LRRN1: variants seen among roughly 807,000 people sequenced by gnomAD.
LRRN1 encodes the protein leucine-rich repeat neuronal protein 1.
Under a neutral mutation model 45.8 loss-of-function variants are expected in LRRN1, and 14 were observed. That is an observed-to-expected ratio of 0.31 (90% confidence interval 0.20 to 0.48). The LOEUF is 0.48. Among genes scored for constraint, LRRN1 ranks in the 20% least tolerant of loss-of-function variants. The pLI is 0.99. For missense variants in LRRN1, 789 were observed against 874.2 expected, an observed-to-expected ratio of 0.90 and a Z score of 1.23; for synonymous variants, 359 against 330.1, an observed-to-expected ratio of 1.09 and a Z score of -0.95.
rs1053078528 is a variant in LRRN1 at position 3,845,091 on chromosome 3, C to T, written c.450C>T (p.Ile150=). The T allele has an allele frequency of 3.1e-6, 5 of 1,614,034 alleles. No homozygotes were observed. Among genetic ancestry groups the T allele is most frequent in the Non-Finnish European group, 4.2e-6 (5 of 1,180,028 alleles). The stretch of plus-strand genomic sequence containing the variant: ...TCAGCAACCTTCAAGAACTCTACAT[C>T]AACCACAACCAAATTAGCACTATTT... ...QDLSNLQELY[I]NHNQISTISA... The change falls in exon 2 of 2, where the codon ATC becomes ATT. Residue 150 remains isoleucine, a synonymous_variant. Coordinates refer to ENST00000319331, the MANE Select transcript of LRRN1 (RefSeq NM_020873.7). This position sits in a 1 kb window ranked among gnomAD's most constrained non-coding sequence, Gnocchi z 6.5.
At chr3:3,802,169 C>T (rs1036574512) in intron 1 of LRRN1, among the ~76,000 whole-genome samples, 2 of 152,196 alleles carry the variant, frequency 1.3e-5, no homozygotes, top group African/African-American at 4.8e-5. Context: ...GGGAGGTAGT[C>T]GTGCAGTAGA....
At chr3:3,828,972 G>A (rs1488329159) in intron 1 of LRRN1, among the ~76,000 whole-genome samples, 3 of 149,034 alleles carry the variant, frequency 2.0e-5, no homozygotes, top group Middle Eastern at 3.5e-3. Flanking sequence ...ACCTCAGCAG[G>A]TTGTGTTTTC....
At chr3:3,814,492 T>A (rs1184489587) in intron 1 of LRRN1, among the ~76,000 whole-genome samples, 1 of 152,048 alleles carries the variant, frequency 6.6e-6, no homozygotes, top group African/African-American at 2.4e-5. Flanking sequence ...GTGAGTTGAC[T>A]TTAACCTCGC....
intron 1 of LRRN1, among the ~76,000 whole-genome samples, chr3:3,819,071 T>C (rs1432047527): frequency 1.3e-5 from 2 of 152,092 alleles, no homozygotes; most frequent in Non-Finnish European, 2.9e-5. Flanking sequence ...ACAGCTCACT[T>C]GCAGCCTTGA....
intron 1 of LRRN1, among the ~76,000 whole-genome samples, chr3:3,837,182 G>A (rs1693538377): frequency 6.6e-6 from 1 of 152,226 alleles, no homozygotes; most frequent in Non-Finnish European, 1.5e-5. Context: ...GCCGGCCCAG[G>A]CAGGTGGCCC....
chr3:3,807,095 C>T (rs1326636244), intron 1 of LRRN1, among the ~76,000 whole-genome samples: 3 of 152,170 alleles, frequency 2.0e-5, no homozygotes, highest in Non-Finnish European at 4.4e-5. Context: ...CAAGGACCTA[C>T]GATGCATCGG....
At chr3:3,837,332 T>TCCCCC (rs35514612) in intron 1 of LRRN1, among the ~76,000 whole-genome samples, 1 of 151,382 alleles carries the variant, frequency 6.6e-6, no homozygotes. Context: ...TATTACTCCT[T>TCCCCC]CCCCCCCCCA....
intron 1 of LRRN1, among the ~76,000 whole-genome samples, chr3:3,811,382 GA>G (rs1217712261): frequency 6.6e-6 from 1 of 152,082 alleles, no homozygotes; most frequent in Non-Finnish European, 1.5e-5. Flanking sequence ...CTTCGTAAGG[GA>G]AAAGGCTATG....
At chr3:3,838,094 C>T (rs1451820700) in intron 1 of LRRN1, among the ~76,000 whole-genome samples, 2 of 152,038 alleles carry the variant, frequency 1.3e-5, no homozygotes, top group East Asian at 1.9e-4. Context: ...AGAAATAAGA[C>T]CACCCATCTA....
At position 3,844,868 on chromosome 3, in the gene LRRN1, T is replaced by G; in HGVS notation, c.227T>G (p.Val76Gly). The change falls in exon 2 of 2, where the codon GTG (valine) becomes GGG (glycine). Residue 76 changes from valine (V) to glycine (G), a missense_variant. Transcript: ENST00000319331. Reference sequence around the variant, plus strand: ...AGTAACCTCTCTAGTGACACACAAGTGCTTCTCTTACAGAGCAATAACATC... The same window carrying G: ...AGTAACCTCTCTAGTGACACACAAGGGCTTCTCTTACAGAGCAATAACATC... Reference protein sequence around the residue: ...IPSNLSSDTQVLLLQSNNIAK... With the variant: ...IPSNLSSDTQGLLLQSNNIAK... 6.2e-7 allele frequency: 1 copy of G among 1,614,162 alleles called. No individual in the cohort carries two copies. Among genetic ancestry groups the G allele is most frequent in the South Asian group, 1.1e-5 (1 of 91,078 alleles).
chr3:3,818,716 T>C (rs1170523051), intron 1 of LRRN1, among the ~76,000 whole-genome samples: 1 of 152,156 alleles, frequency 6.6e-6, no homozygotes, highest in African/African-American at 2.4e-5. Flanking sequence ...ATTTCTTGAA[T>C]AATTATAAGT....
intron 1 of LRRN1, chr3:3,827,652 T>C (rs947878409): frequency 1.0e-5 from 4 of 381,036 alleles, no homozygotes; most frequent in Non-Finnish European, 2.1e-5. Flanking sequence ...AAAAGAATGA[T>C]GTTTTTTGAA....
chr3:3,827,563 T>G (rs1212178002), intron 1 of LRRN1: 11 of 451,956 alleles, frequency 2.4e-5, no homozygotes, highest in Non-Finnish European at 4.9e-5. Flanking sequence ...TCCCCATTAT[T>G]CAAGCCATTC....
Position 3,846,903 on chromosome 3 carries a change from G to A in LRRN1, c.*111G>A. 1 of 926,258 alleles carries A rather than the reference G, an allele frequency of 1.1e-6. No individual in the cohort carries two copies. The highest frequency in any genetic ancestry group is 2.7e-5 in the East Asian group (1 of 37,702). The allele number at this position is 926,258 out of a possible 1,614,324, so 57.4% of individuals were successfully genotyped here. A position where few individuals can be genotyped will look rare whatever the true frequency, so the allele number is the denominator to read the frequency against. On this transcript the variant is annotated 3_prime_UTR_variant, in exon 2 of 2. Coordinates refer to ENST00000319331, the MANE Select transcript of LRRN1 (RefSeq NM_020873.7). This position sits in a 1 kb window ranked among gnomAD's most constrained non-coding sequence, Gnocchi z 5.7. Reference sequence around the variant, plus strand: ...GTATTTTTGACTTTGCTAGTTTGTGGCAGAGTGGAGAGGACGGGTGGATAT... The same window carrying A: ...GTATTTTTGACTTTGCTAGTTTGTGACAGAGTGGAGAGGACGGGTGGATAT...
At chr3:3,827,027 C>T (rs1693231848) in intron 1 of LRRN1, among the ~76,000 whole-genome samples, 1 of 152,136 alleles carries the variant, frequency 6.6e-6, no homozygotes, top group African/African-American at 2.4e-5. Context: ...TCATCTTCAA[C>T]ACCCATGAAA....
At chr3:3,829,709 G>A (rs1404018062) in intron 1 of LRRN1, among the ~76,000 whole-genome samples, 1 of 152,152 alleles carries the variant, frequency 6.6e-6, no homozygotes, top group East Asian at 1.9e-4. Context: ...CACTTCTTTA[G>A]CCGTAAAGTG....
chr3:3,838,895 T>G (rs1693584354), intron 1 of LRRN1, among the ~76,000 whole-genome samples: 1 of 152,194 alleles, frequency 6.6e-6, no homozygotes, highest in Non-Finnish European at 1.5e-5. Flanking sequence ...TTATAATATA[T>G]TCTGGATATT....
intron 1 of LRRN1, among the ~76,000 whole-genome samples, chr3:3,821,130 C>T (rs1240721166): frequency 6.6e-6 from 1 of 152,212 alleles, no homozygotes; most frequent in African/African-American, 2.4e-5. Context: ...TGTGCATTCC[C>T]TTAAAACGAT....
intron 1 of LRRN1, among the ~76,000 whole-genome samples, chr3:3,811,179 C>A (rs991230705): frequency 2.0e-5 from 3 of 152,082 alleles, no homozygotes; most frequent in Non-Finnish European, 4.4e-5. Context: ...GGAAAAAAAA[C>A]CCTAGACAAG....
Sources: gnomAD v4.1 joint callset for allele counts (sites outside exome capture counted in the v4.1 genomes callset) on GRCh38, gnomAD v4.1.1 for gene constraint, Gnocchi (gnomAD v3.1) non-coding constraint, MANE v1.5 for transcripts, NCBI Gene and HGNC (gene_info 2026-07-23, HGNC 2026-07-21) for gene names.